Variants in ABTB3 observed in about 807,000 individuals in gnomAD.
ABTB3 encodes ankyrin repeat and BTB domain containing 3, also known as ankyrin repeat- and BTB/POZ domain-containing protein 3.
the ABTB3 span, among the ~76,000 whole-genome samples, chr12:107,546,650 G>T: frequency 6.6e-6 from 1 of 152,154 alleles, no homozygotes; most frequent in Non-Finnish European, 1.5e-5. Flanking sequence ...GATCACCTGA[G>T]GTCAGGAGTT....
At chr12:107,404,023 C>T in the ABTB3 span, among the ~76,000 whole-genome samples, 152 of 151,900 alleles carry the variant, frequency 1.0e-3, 1 homozygote, top group East Asian at 8.5e-3. Flanking sequence ...ATTAGCTGGA[C>T]GTAGTGGCAG....
At chr12:107,638,588 T>C in the ABTB3 span, among the ~76,000 whole-genome samples, 1 of 152,352 alleles carries the variant, frequency 6.6e-6, no homozygotes, top group African/African-American at 2.4e-5. Flanking sequence ...GGCAGCCTCC[T>C]AGAGCAAGTT....
At chr12:107,478,714 C>T in the ABTB3 span, among the ~76,000 whole-genome samples, 6 of 152,104 alleles carry the variant, frequency 3.9e-5, no homozygotes, top group Non-Finnish European at 5.9e-5. Flanking sequence ...ATTTCACGTG[C>T]GGGGAGCTTG....
At chr12:107,346,248 G>A in the ABTB3 span, among the ~76,000 whole-genome samples, 1 of 152,044 alleles carries the variant, frequency 6.6e-6, no homozygotes, top group African/African-American at 2.4e-5. Context: ...GTGATGTGGG[G>A]GAAGATGGAA....
chr12:107,369,392 G>GTTTTTTTTT, the ABTB3 span, among the ~76,000 whole-genome samples: 9 of 134,902 alleles, frequency 6.7e-5, no homozygotes, highest in African/African-American at 8.5e-5. Context: ...TCAAACAAGG[G>GTTTTTTTTT]TTTTTTTTTT....
chr12:107,495,022 G>A, the ABTB3 span, among the ~76,000 whole-genome samples: 1 of 152,192 alleles, frequency 6.6e-6, no homozygotes, highest in African/African-American at 2.4e-5. Context: ...GGGAGAAGTG[G>A]CTGTTGCTTC....
chr12:107,520,667 G>A, the ABTB3 span: 1 of 1,611,672 alleles, frequency 6.2e-7, no homozygotes, highest in Non-Finnish European at 8.5e-7. Context: ...CAGCTCTCAT[G>A]CCTCAAGACA....
the ABTB3 span, among the ~76,000 whole-genome samples, chr12:107,384,541 T>C: frequency 1.3e-5 from 2 of 152,174 alleles, no homozygotes; most frequent in African/African-American, 4.8e-5. Context: ...GGAAACTTAT[T>C]GGGGATTGTC....
At chr12:107,505,037 G>A in the ABTB3 span, among the ~76,000 whole-genome samples, 2 of 152,174 alleles carry the variant, frequency 1.3e-5, no homozygotes, top group African/African-American at 2.4e-5. Context: ...CACAGAAGTG[G>A]AGAGCTGGTA....
At chr12:107,350,936 C>G in the ABTB3 span, among the ~76,000 whole-genome samples, 1 of 152,034 alleles carries the variant, frequency 6.6e-6, no homozygotes, top group Admixed American at 6.5e-5. Flanking sequence ...TTAGCCACCT[C>G]GAGAAACCAA....
chr12:107,335,385 T>C, the ABTB3 span, among the ~76,000 whole-genome samples: 1 of 149,804 alleles, frequency 6.7e-6, no homozygotes, highest in Non-Finnish European at 1.5e-5. Context: ...CTGAGGATAT[T>C]TGTGATGTTT....
chr12:107,644,154 C>G, the ABTB3 span, among the ~76,000 whole-genome samples: 2 of 152,178 alleles, frequency 1.3e-5, no homozygotes, highest in Non-Finnish European at 2.9e-5. Flanking sequence ...AGCGATAGAG[C>G]CAGGATTTGA....
At chr12:107,550,014 T>C in the ABTB3 span, among the ~76,000 whole-genome samples, 1 of 152,204 alleles carries the variant, frequency 6.6e-6, no homozygotes, top group Non-Finnish European at 1.5e-5. Context: ...TCCTGATGAC[T>C]GGGCGAACTG....
the ABTB3 span, among the ~76,000 whole-genome samples, chr12:107,561,995 CAT>C: frequency 6.6e-6 from 1 of 152,192 alleles, no homozygotes; most frequent in Non-Finnish European, 1.5e-5. Flanking sequence ...ATTCCTTTAT[CAT>C]AAAGCTTTTC....
chr12:107,480,410 T>C, the ABTB3 span, among the ~76,000 whole-genome samples: 5 of 152,094 alleles, frequency 3.3e-5, no homozygotes, highest in African/African-American at 1.2e-4. Flanking sequence ...AGATGGGACA[T>C]TGGGAGGTCA....
the ABTB3 span, among the ~76,000 whole-genome samples, chr12:107,331,111 T>C: frequency 3.3e-5 from 5 of 152,176 alleles, no homozygotes; most frequent in East Asian, 7.7e-4. Flanking sequence ...CAGAGAGTCA[T>C]GAGGTGCACA....
At chr12:107,412,520 G>A in the ABTB3 span, among the ~76,000 whole-genome samples, 1,182 of 152,288 alleles carry the variant, frequency 7.8e-3, 25 homozygotes, top group African/African-American at 0.027. Flanking sequence ...AGGTTGGAGC[G>A]TGGGCCTTAA....
the ABTB3 span, among the ~76,000 whole-genome samples, chr12:107,395,796 G>A: frequency 2.0e-5 from 3 of 152,200 alleles, no homozygotes; most frequent in Non-Finnish European, 2.9e-5. Context: ...TGTCCCTAAA[G>A]TTCCCATTTT....
the ABTB3 span, among the ~76,000 whole-genome samples, chr12:107,644,345 G>A: frequency 3.3e-5 from 5 of 152,272 alleles, no homozygotes; most frequent in South Asian, 1.0e-3. Flanking sequence ...AATTCCCAAT[G>A]CCCAGGCTAT....
Sources: gnomAD v4.1 joint callset for allele counts (sites outside exome capture counted in the v4.1 genomes callset) on GRCh38, gnomAD v4.1.1 for gene constraint, MANE v1.5 for transcripts, NCBI Gene and HGNC (gene_info 2026-07-23, HGNC 2026-07-21) for gene names.